COL9A2: variants seen among roughly 807,000 people sequenced by gnomAD.
The protein encoded by COL9A2 is collagen type IX alpha 2 chain.
Under a neutral mutation model 111.6 loss-of-function variants are expected in COL9A2, and 66 were observed. The ratio of observed to expected loss-of-function variants is 0.59; its 90% CI spans 0.48 to 0.73. COL9A2 has a LOEUF of 0.73. COL9A2 is among the 30% of genes least tolerant of loss of function. The pLI, the probability that COL9A2 is intolerant of heterozygous loss-of-function variation, is 0.00. For missense variants in COL9A2, 881 were observed against 954.1 expected, an observed-to-expected ratio of 0.92 and a Z score of 1.01; for synonymous variants, 353 against 364.1, an observed-to-expected ratio of 0.97 and a Z score of 0.35.
Position 40,316,475 on chromosome 1 carries a change from C to T in COL9A2, c.75+648G>A, listed in dbSNP as rs546529360. ...CAGCTGGAGAGTCTCCATCCTGCTG[C>T]CCATCTCTGAACAGATCAGAGATCT... On this transcript the variant is annotated intron_variant, in intron 1 of 31. Transcript: ENST00000372748. This position sits in a 1 kb window ranked among gnomAD's most constrained non-coding sequence, Gnocchi z 5.5. 4.1e-4 allele frequency among the ~76,000 whole-genome samples: 62 copies of T among 152,220 alleles called. No individual in the cohort carries two copies. Among genetic ancestry groups the T allele is most frequent in the Non-Finnish European group, 7.4e-4 (50 of 68,020 alleles).
At position 40,303,587 on chromosome 1, in the gene COL9A2, A is replaced by G; in HGVS notation, c.1491T>C (p.Pro497=). ...GVQGYPGPPG[P]RGLAGNRGVP... Reference sequence around the variant, plus strand: ...CGCCTCGGTTCCCGGCCAGTCCTCGAGGGCCGGGGGGACCAGGGTAGCCCT... The same window carrying G: ...CGCCTCGGTTCCCGGCCAGTCCTCGGGGGCCGGGGGGACCAGGGTAGCCCT... Residue 497 remains proline, a synonymous_variant, in exon 28 of 32, where the codon CCT becomes CCC. Coordinates refer to ENST00000372748, the MANE Select transcript of COL9A2 (RefSeq NM_001852.4). This position sits in a 1 kb window ranked among gnomAD's most constrained non-coding sequence, Gnocchi z 4.6. 6.2e-7 allele frequency: 1 copy of G among 1,608,632 alleles called. No individual in the cohort carries two copies. Among genetic ancestry groups the G allele is most frequent in the Non-Finnish European group, 8.5e-7 (1 of 1,178,138 alleles).
In COL9A2 at chr1:40,303,304, C is replaced by T. The variant is rs765737189; in HGVS notation, c.1549-119G>A. On this transcript the variant is annotated intron_variant, in intron 28 of 31. Transcript: ENST00000372748. This position sits in a 1 kb window ranked among gnomAD's most constrained non-coding sequence, Gnocchi z 4.6. ...ACTCTGGTGTTGAGTCATTAATTCC[C>T]AAGCTGAGGAACAGATTGTACCTGG... 2.2e-5 allele frequency: 26 copies of T among 1,201,562 alleles called. No individual in the cohort carries two copies. The highest frequency in any genetic ancestry group is 3.0e-5 in the Non-Finnish European group (25 of 835,542). 74.4% of individuals were successfully genotyped at this position (1,201,562 alleles called of 1,614,324 possible).
rs973436838 is a variant in COL9A2, at chr1:40,311,934, C to A, written c.417+125G>T. 7.6e-5 allele frequency: 88 copies of A among 1,162,502 alleles called. No individual in the cohort carries two copies. Among genetic ancestry groups the A allele is most frequent in the African/African-American group, 6.1e-4 (40 of 65,448 alleles). The allele number at this position is 1,162,502 out of a possible 1,614,324, so 72.0% of individuals were successfully genotyped here. A position where few individuals can be genotyped will look rare whatever the true frequency, so the allele number is the denominator to read the frequency against. On this transcript the variant is annotated intron_variant, in intron 8 of 31. Coordinates refer to ENST00000372748, the MANE Select transcript of COL9A2 (RefSeq NM_001852.4). This position sits in a 1 kb window ranked among gnomAD's most constrained non-coding sequence, Gnocchi z 5.1. ...GGTGGGCTCATAGGAGGGGTTTCTGCCCCAGACCTGGAGGAGTTTCCCAGT... is the reference window on the plus strand; with the variant it reads ...GGTGGGCTCATAGGAGGGGTTTCTGACCCAGACCTGGAGGAGTTTCCCAGT...
In COL9A2 at chr1:40,301,692, TG is replaced by T. The variant is rs150450056; in HGVS notation, c.1870+119del. 2,852 of 965,034 alleles carry T rather than the reference TG, an allele frequency of 3.0e-3. 59 individuals carry two copies. The African/African-American group carries it at 0.039, about 13-fold the overall frequency. The allele number at this position is 965,034 out of a possible 1,614,324, so 59.8% of individuals were successfully genotyped here. ...GGGTGCTCCAAAGGGGTGCAGAAGC[TG>T]GGTATCAAGGACTGAGCTGGCTGAG... On this transcript the variant is annotated intron_variant, in intron 31 of 31. Transcript: ENST00000372748.
At chr1:40,304,925 C>T in intron 21 of COL9A2, 78 bp from the exon 22 acceptor site, 1 of 1,292,886 alleles carries the variant, frequency 7.7e-7, no homozygotes, top group Non-Finnish European at 1.1e-6. Flanking sequence ...CCCCTCCCTA[C>T]CCTGGGTCTC....
At position 40,311,477 on chromosome 1, in the gene COL9A2, C is replaced by T; in HGVS notation, c.519+23G>A. On this transcript the variant is annotated intron_variant, in intron 10 of 31. Transcript: ENST00000372748. This position sits in a 1 kb window ranked among gnomAD's most constrained non-coding sequence, Gnocchi z 5.1. The stretch of plus-strand genomic sequence containing the variant: ...GTGGCCCCGCCCCCCTGTGTTAGCC[C>T]CGCCCCAGACCTCGTCTCTCACCAG... 1 of 1,613,364 alleles carries T rather than the reference C, an allele frequency of 6.2e-7. No individual in the cohort carries two copies. Among genetic ancestry groups the T allele is most frequent in the Non-Finnish European group, 8.5e-7 (1 of 1,179,602 alleles).
Position 40,308,113 on chromosome 1 carries a change from A to C in COL9A2, c.900+79T>G, listed in dbSNP as rs897025646. 4.2e-6 allele frequency: 6 copies of C among 1,418,540 alleles called. No individual in the cohort carries two copies. The African/African-American group carries it at 8.5e-5, about 20-fold the overall frequency. The allele number at this position is 1,418,540 out of a possible 1,614,324, so 87.9% of individuals were successfully genotyped here. On this transcript the variant is annotated intron_variant, in intron 17 of 31. Coordinates refer to ENST00000372748, the MANE Select transcript of COL9A2 (RefSeq NM_001852.4). ...GTTGCAGAGTTCAGACTAGCATCCCAGGCTTCTCTTCTGGGGGTTTGGACA... is the reference window on the plus strand; with the variant it reads ...GTTGCAGAGTTCAGACTAGCATCCCCGGCTTCTCTTCTGGGGGTTTGGACA...
At position 40,303,755 on chromosome 1, in the gene COL9A2, A is replaced by T. The variant is rs1482830308; in HGVS notation, c.1401+52T>A. The T allele has an allele frequency of 1.9e-6, 3 of 1,553,218 alleles. No individual in the cohort carries two copies. Among genetic ancestry groups the T allele is most frequent in the Non-Finnish European group, 2.6e-6 (3 of 1,149,356 alleles). ...CGAGAGTGGGGGGTGGGGGTCGAGG[A>T]AGGGAGTGGCCGCCCAGGAAAGTCG... On this transcript the variant is annotated intron_variant, in intron 27 of 31. Coordinates refer to ENST00000372748, the MANE Select transcript of COL9A2 (RefSeq NM_001852.4). This position sits in a 1 kb window ranked among gnomAD's most constrained non-coding sequence, Gnocchi z 4.6.
chr1:40,304,682 C>A (rs1187768028), intron 22 of COL9A2, 112 bp downstream of exon 22: 28 of 1,396,704 alleles, frequency 2.0e-5, no homozygotes, highest in Non-Finnish European at 2.8e-5. Context: ...CAAAGCAAAC[C>A]TAGGCCCTGC....
In COL9A2 at chr1:40,301,208, C is replaced by T. The variant is rs1643909498; in HGVS notation, c.2044G>A (p.Glu682Lys). ...CAAGGCCCCTTGATGGATCCAGGCT[C>T]TGTAAGGCGGGCAGAGGCATAGGCC... ...ASAYASARLT[E>K]PGSIKGP Residue 682 changes from glutamate (E) to lysine (K), a missense_variant, in exon 32 of 32, where the codon GAG becomes AAG. By Grantham distance (56) the Glu-to-Lys change is moderately conservative. Coordinates refer to ENST00000372748, the MANE Select transcript of COL9A2 (RefSeq NM_001852.4). 2 of 1,613,832 alleles carry T rather than the reference C, an allele frequency of 1.2e-6. No homozygotes were observed. Among genetic ancestry groups the T allele is most frequent in the African/African-American group, 1.3e-5 (1 of 74,936 alleles).
chr1:40,305,638 C>T, intron 21 of COL9A2, 77 bp downstream of exon 21: 2 of 1,357,512 alleles, frequency 1.5e-6, no homozygotes, highest in Non-Finnish European at 2.1e-6. Flanking sequence ...TAACTCGGAG[C>T]TCTCCCTAGG....
At chr1:40,309,018 G>A (rs984097901) in intron 16 of COL9A2, among the ~76,000 whole-genome samples, 5 of 152,148 alleles carry the variant, frequency 3.3e-5, no homozygotes, top group Non-Finnish European at 5.9e-5. Context: ...GGCCGAGGCA[G>A]GTGGATCACC....
chr1:40,301,450 GA>G, intron 31 of COL9A2, 69 bp from the exon 32 acceptor site: 1 of 1,421,748 alleles, frequency 7.0e-7, no homozygotes, highest in East Asian at 2.3e-5. Context: ...TGAAGGTGGG[GA>G]AACTTTTCAG....
chr1:40,315,703 T>C lies in COL9A2; in HGVS notation c.76-39A>G, dbSNP rs11805881. ...ACGGGGTGGGGCAGTCCTCAGACAG[T>C]GCAGGAAGCTGGGCGTCCCCGGGGC... On this transcript the variant is annotated intron_variant, in intron 1 of 31. Coordinates refer to ENST00000372748, the MANE Select transcript of COL9A2 (RefSeq NM_001852.4). The C allele has an allele frequency of 8.6e-4, 1,260 of 1,469,146 alleles. 13 individuals carry two copies. The African/African-American group carries it at 0.017, about 19-fold the overall frequency. 91.0% of individuals were successfully genotyped at this position (1,469,146 alleles called of 1,614,324 possible). A position where few individuals can be genotyped will look rare whatever the true frequency, so the allele number is the denominator to read the frequency against.
rs751832466 is a variant in COL9A2 at position 40,308,255 on chromosome 1, GGAGA to G, written c.847-14_847-11del. The G allele has an allele frequency of 1.1e-5, 18 of 1,613,568 alleles. No individual in the cohort carries two copies. In the East Asian group the frequency reaches 4.0e-4, roughly 36 times the overall value. On this transcript the variant is annotated splice_polypyrimidine_tract_variant and intron_variant, in intron 16 of 31. Coordinates refer to ENST00000372748, the MANE Select transcript of COL9A2 (RefSeq NM_001852.4). ...GAATACCTGGGCTGCCCTGCAAAGC[GGAGA>G]GAGATCAGGTCACCCTCAGGATGTT...
chr1:40,305,819 G>C, intron 20 of COL9A2, 51 bp from the exon 21 acceptor site: 1 of 1,554,932 alleles, frequency 6.4e-7, no homozygotes, highest in Non-Finnish European at 8.9e-7. Flanking sequence ...TCAGGCCCTT[G>C]GCCTCAGGGA....
chr1:40,315,367 C>G, intron 2 of COL9A2: 2 of 1,384,906 alleles, frequency 1.4e-6, no homozygotes, highest in Non-Finnish European at 1.9e-6. Flanking sequence ...TGAACAGCAG[C>G]TCCTTGTCTG....
At chr1:40,315,034 G>A (rs977074696) in intron 2 of COL9A2, among the ~76,000 whole-genome samples, 1 of 152,128 alleles carries the variant, frequency 6.6e-6, no homozygotes, top group Non-Finnish European at 1.5e-5. Context: ...TTTGGGGGGT[G>A]GGGGCACCAG....
Position 40,302,818 on chromosome 1 carries a change from AG to A in COL9A2, c.1604-10del. The A allele has an allele frequency of 6.8e-6, 3 of 443,784 alleles. No individual in the cohort carries two copies. The highest frequency in any genetic ancestry group is 1.6e-5 in the South Asian group (1 of 61,866). The allele number at this position is 443,784 out of a possible 1,614,324, so 27.5% of individuals were successfully genotyped here. ...GACCTCTGCCAGTTGCTCTGGAGGG[AG>A]GGAGGGAGGGAGGGAGAGGGAAGTC... On this transcript the variant is annotated splice_polypyrimidine_tract_variant and intron_variant, in intron 29 of 31. Coordinates refer to ENST00000372748, the MANE Select transcript of COL9A2 (RefSeq NM_001852.4). This position sits in a 1 kb window ranked among gnomAD's most constrained non-coding sequence, Gnocchi z 4.5.
Sources: gnomAD v4.1 joint callset for allele counts (sites outside exome capture counted in the v4.1 genomes callset) on GRCh38, gnomAD v4.1.1 for gene constraint, Gnocchi (gnomAD v3.1) non-coding constraint, MANE v1.5 for transcripts, NCBI Gene and HGNC (gene_info 2026-07-23, HGNC 2026-07-21) for gene names.